Variants in STXBP4 observed in about 807,000 individuals in gnomAD.
STXBP4 encodes syntaxin binding protein 4, also known as syntaxin-binding protein 4.
STXBP4 carries 55 observed loss-of-function variants against 76.1 expected under a neutral mutation model. That is an observed-to-expected ratio of 0.72 (90% CI 0.58 to 0.91). The LOEUF (loss-of-function observed/expected upper bound fraction) is 0.91, where lower values mean the gene tolerates loss of function less well. Ranked by LOEUF, STXBP4 falls within the 40% of genes least tolerant of loss-of-function variation. The pLI is 0.00. For synonymous variants in STXBP4, 201 were observed against 220.2 expected, an observed-to-expected ratio of 0.91 and a Z score of 0.77; for missense variants, 618 against 636.9, an observed-to-expected ratio of 0.97 and a Z score of 0.32.
the STXBP4 span, among the ~76,000 whole-genome samples, chr17:55,180,166 C>T: frequency 6.6e-6 from 1 of 152,154 alleles, no homozygotes; most frequent in Non-Finnish European, 1.5e-5. Context: ...TCAACAGAGT[C>T]ATTATGAAGG....
chr17:55,049,926 C>T (rs1380000864), intron 12 of STXBP4, among the ~76,000 whole-genome samples: 1 of 151,912 alleles, frequency 6.6e-6, no homozygotes, highest in East Asian at 1.9e-4. Context: ...TTAACCAAAC[C>T]TTTGACAGTC....
chr17:55,093,576 A>G (rs971146745), intron 16 of STXBP4, among the ~76,000 whole-genome samples: 36 of 152,192 alleles, frequency 2.4e-4, no homozygotes, highest in African/African-American at 8.2e-4. Flanking sequence ...GCGAACTCAC[A>G]TATTCTCCTG....
intron 17 of STXBP4, among the ~76,000 whole-genome samples, chr17:55,148,494 C>A (rs1000723008): frequency 6.6e-6 from 1 of 151,256 alleles, no homozygotes; most frequent in Non-Finnish European, 1.5e-5. Flanking sequence ...TTAAAGGGTA[C>A]TACTTTTAGC....
intron 12 of STXBP4, among the ~76,000 whole-genome samples, chr17:55,055,495 G>A (rs62078828): frequency 0.013 from 1,953 of 152,158 alleles, 29 homozygotes; most frequent in African/African-American, 0.038. Flanking sequence ...ACCAGATCAC[G>A]CTACTTTTAC....
intron 8 of STXBP4, among the ~76,000 whole-genome samples, chr17:55,010,876 AT>A (rs2078098376): frequency 6.6e-6 from 1 of 152,190 alleles, no homozygotes; most frequent in Non-Finnish European, 1.5e-5. Flanking sequence ...CAGCACATTT[AT>A]TTGTCTAATT....
At chr17:55,049,592 A>G (rs2078833595) in intron 12 of STXBP4, among the ~76,000 whole-genome samples, 2 of 152,146 alleles carry the variant, frequency 1.3e-5, no homozygotes, top group East Asian at 1.9e-4. Context: ...GGTAACCTAT[A>G]GAATGAAAAT....
chr17:55,050,869 T>A (rs2078850517), intron 12 of STXBP4, among the ~76,000 whole-genome samples: 1 of 152,074 alleles, frequency 6.6e-6, no homozygotes, highest in Non-Finnish European at 1.5e-5. Context: ...AGTTTTGCCA[T>A]GTTGGCCAGG....
chr17:55,177,055 G>C (rs953230396), downstream of STXBP4, among the ~76,000 whole-genome samples: 1 of 152,042 alleles, frequency 6.6e-6, no homozygotes, highest in African/African-American at 2.4e-5. Flanking sequence ...TGGTTCTCCA[G>C]CTTACAGAGG....
intron 16 of STXBP4, among the ~76,000 whole-genome samples, chr17:55,133,398 A>G (rs1331871270): frequency 6.6e-6 from 1 of 152,142 alleles, no homozygotes; most frequent in African/African-American, 2.4e-5. Context: ...TGATACAATG[A>G]TAGAGGAAGA....
chr17:55,210,967 G>A, the STXBP4 span, among the ~76,000 whole-genome samples: 2 of 152,138 alleles, frequency 1.3e-5, no homozygotes, highest in African/African-American at 2.4e-5. Context: ...TTTTAAGTAC[G>A]TCTGAGAAGT....
chr17:55,144,722 T>G (rs2080133346), intron 17 of STXBP4, among the ~76,000 whole-genome samples: 1 of 152,208 alleles, frequency 6.6e-6, no homozygotes, highest in South Asian at 2.1e-4. Context: ...GTATGATACA[T>G]AAGTTCTGTT....
the STXBP4 span, among the ~76,000 whole-genome samples, chr17:55,190,282 T>C: frequency 1.3e-5 from 2 of 152,150 alleles, no homozygotes; most frequent in Admixed American, 6.5e-5. Context: ...AGGAAAGATA[T>C]TCATTAAATG....
At chr17:55,142,808 A>G (rs1490006158) in intron 17 of STXBP4, among the ~76,000 whole-genome samples, 1 of 152,216 alleles carries the variant, frequency 6.6e-6, no homozygotes, top group African/African-American at 2.4e-5. Context: ...GGTGTTGTTT[A>G]TAACATTTGA....
chr17:55,144,096 G>A (rs939016340), intron 17 of STXBP4, among the ~76,000 whole-genome samples: 1 of 151,750 alleles, frequency 6.6e-6, no homozygotes, highest in African/African-American at 2.4e-5. Flanking sequence ...ATGTTGACAT[G>A]TGACAAGAAA....
chr17:55,063,798 A>G (rs1181506153), intron 12 of STXBP4, among the ~76,000 whole-genome samples: 1 of 152,212 alleles, frequency 6.6e-6, no homozygotes, highest in Non-Finnish European at 1.5e-5. Context: ...TCTTTGCTTT[A>G]CTAAAAACAA....
intron 12 of STXBP4, among the ~76,000 whole-genome samples, chr17:55,068,204 A>G (rs1413060618): frequency 1.3e-5 from 2 of 152,178 alleles, no homozygotes; most frequent in Non-Finnish European, 2.9e-5. Flanking sequence ...ACCAAGACCA[A>G]GAAGGGCTTT....
chr17:55,045,948 G>A (rs2078779541), intron 11 of STXBP4, among the ~76,000 whole-genome samples: 1 of 152,086 alleles, frequency 6.6e-6, no homozygotes, highest in Non-Finnish European at 1.5e-5. Flanking sequence ...TTTAGGTGGT[G>A]TCTCATCACT....
intron 12 of STXBP4, among the ~76,000 whole-genome samples, chr17:55,065,066 A>G (rs1356073339): frequency 1.3e-5 from 2 of 152,192 alleles, no homozygotes; most frequent in African/African-American, 2.4e-5. Flanking sequence ...AAATTCTTAC[A>G]TAATATAGGG....
At position 55,078,192 on chromosome 17, in the gene STXBP4, G is replaced by C; in HGVS notation, c.1303G>C (p.Glu435Gln). ...ASTEKLLHFV[E>Q]AIQEVFSDNS... Reference sequence around the variant, plus strand: ...CACTGAAAAGCTTCTTCATTTTGTAGAGGTAAGTTTTTCTGTTCTATTACA... The same window carrying C: ...CACTGAAAAGCTTCTTCATTTTGTACAGGTAAGTTTTTCTGTTCTATTACA... The change falls in exon 14 of 18, where the codon GAG becomes CAG. Residue 435 changes from glutamate (E) to glutamine (Q), a missense_variant and splice_region_variant. Physicochemically the swap from Glu to Gln is conservative, Grantham distance 29. Coordinates refer to ENST00000376352, the MANE Select transcript of STXBP4 (RefSeq NM_178509.6). The C allele has an allele frequency of 6.2e-7, 1 of 1,601,502 alleles. No individual in the cohort carries two copies. The highest frequency in any genetic ancestry group is 8.5e-7 in the Non-Finnish European group (1 of 1,172,924).
Sources: allele counts gnomAD v4.1 joint callset (sites outside exome capture counted in the v4.1 genomes callset), GRCh38; gene constraint gnomAD v4.1.1; transcripts MANE v1.5; gene names NCBI Gene and HGNC (gene_info 2026-07-23, HGNC 2026-07-21).